PDIA5: variants seen among roughly 807,000 people sequenced by gnomAD.
The protein encoded by PDIA5 is protein disulfide isomerase family A member 5.
A neutral mutation model predicts 77.6 loss-of-function variants in PDIA5; 58 were observed. The ratio of observed to expected loss-of-function variants is 0.75; its 90% CI spans 0.61 to 0.93. PDIA5 has a LOEUF of 0.93. Among genes scored for constraint, PDIA5 ranks in the 40% least tolerant of loss-of-function variants. The probability of loss-of-function intolerance (pLI) is 0.00; values close to 1 mark genes in which losing one functional copy is unlikely to be tolerated. For missense variants in PDIA5, 630 were observed against 647.7 expected (o/e 0.97, Z 0.30); for synonymous variants, 250 against 252.1 (o/e 0.99, Z 0.08).
At chr3:123,147,857 GC>G (rs1249854092) in intron 13 of PDIA5, among the ~76,000 whole-genome samples, 1 of 152,182 alleles carries the variant, frequency 6.6e-6, no homozygotes, top group East Asian at 1.9e-4. Flanking sequence ...ACTGGGTGGG[GC>G]GGGGGATCTG....
At chr3:123,091,483 A>G (rs1235920128) in intron 2 of PDIA5, among the ~76,000 whole-genome samples, 1 of 152,142 alleles carries the variant, frequency 6.6e-6, no homozygotes, top group Non-Finnish European at 1.5e-5. Flanking sequence ...GGAATCAAAC[A>G]CTGGCCACAG....
chr3:123,134,141 A>C (rs777478549), intron 11 of PDIA5, among the ~76,000 whole-genome samples: 9 of 152,056 alleles, frequency 5.9e-5, no homozygotes, highest in Non-Finnish European at 1.0e-4. Flanking sequence ...CTCCCACCTC[A>C]GCCTCCTGTG....
In PDIA5 at chr3:123,150,254, C is replaced by G; in HGVS notation, c.1163C>G (p.Pro388Arg). The G allele has an allele frequency of 1.2e-6, 2 of 1,613,610 alleles. No homozygotes were observed. The highest frequency in any genetic ancestry group is 1.7e-6 in the Non-Finnish European group (2 of 1,179,620). The change falls in exon 14 of 17, where the codon CCA (proline) becomes CGA (arginine). Residue 388 changes from proline to arginine, a missense_variant. Pro to Arg is a moderately radical substitution (Grantham distance 103). Transcript: ENST00000316218. ...TGCAGCCCTGAGGCCCCCCCGCCCC[C>G]AGAGCCCACGTGGGAAGAGCAGCAG... ...WMQNPEAPPPPEPTWEEQQTS... is the reference protein window; with the variant it reads ...WMQNPEAPPPREPTWEEQQTS...
At chr3:123,090,601 C>T (rs966317786) in intron 2 of PDIA5, among the ~76,000 whole-genome samples, 10 of 152,182 alleles carry the variant, frequency 6.6e-5, no homozygotes, top group Non-Finnish European at 1.3e-4. Context: ...CTATGCCCCG[C>T]TGTCTCTCAT....
intron 1 of PDIA5, among the ~76,000 whole-genome samples, chr3:123,082,724 G>C (rs558612303): frequency 2.8e-4 from 42 of 152,262 alleles, no homozygotes; most frequent in Non-Finnish European, 1.2e-4. Context: ...CTGTGCTTCT[G>C]CATGCCAAAC....
chr3:123,115,532 G>A lies in PDIA5; in HGVS notation c.542-699G>A, dbSNP rs139146547. Among the ~76,000 whole-genome samples, 221 of 152,298 alleles carry A rather than the reference G, an allele frequency of 1.5e-3. 1 individual carries two copies. Among genetic ancestry groups the A allele is most frequent in the African/African-American group, 5.1e-3 (214 of 41,582 alleles). ...CTGTCAGAGCTGGAAGGGGCCTTAGGTTGTGTGGTCCAGCCTCTCTCATCT... is the reference window on the plus strand; with the variant it reads ...CTGTCAGAGCTGGAAGGGGCCTTAGATTGTGTGGTCCAGCCTCTCTCATCT... On this transcript the variant is annotated intron_variant, in intron 7 of 16. Transcript: ENST00000316218.
At chr3:123,088,315 C>T (rs963512724) in intron 1 of PDIA5, among the ~76,000 whole-genome samples, 4 of 152,106 alleles carry the variant, frequency 2.6e-5, no homozygotes, top group African/African-American at 7.2e-5. Flanking sequence ...CTCCAGTTCC[C>T]GAAGTTTTCC....
At chr3:123,115,672 GCCAGAGCCAGCACTGTTCA>G (rs1390456165) in intron 7 of PDIA5, among the ~76,000 whole-genome samples, 1 of 152,232 alleles carries the variant, frequency 6.6e-6, no homozygotes, top group African/African-American at 2.4e-5. Flanking sequence ...CTTCCCACAG[GCCAGAGCCAGCACTGTTCA>G]CCATCAGCCT....
chr3:123,098,629 C>A (rs893963063), intron 3 of PDIA5, among the ~76,000 whole-genome samples: 1 of 152,004 alleles, frequency 6.6e-6, no homozygotes, highest in African/African-American at 2.4e-5. Context: ...CCACATTCTC[C>A]ATGGAAGAGA....
chr3:123,102,609 C>A lies in PDIA5; in HGVS notation c.341+115C>A, dbSNP rs1314169211. The stretch of plus-strand genomic sequence containing the variant: ...ATTTTATTTCAGAATGGTTTTCTTC[C>A]TGTGTTTACAATTATTTCTTTTAAA... On this transcript the variant is annotated intron_variant, in intron 4 of 16. Transcript: ENST00000316218. 5.7e-6 allele frequency: 6 copies of A among 1,057,492 alleles called. No homozygotes were observed. In the Admixed American group the frequency reaches 6.1e-5, roughly 11 times the overall value. The allele number at this position is 1,057,492 out of a possible 1,614,324, so 65.5% of individuals were successfully genotyped here.
At chr3:123,126,933 GGTGTCTTTT>G (rs1560536943) in intron 10 of PDIA5, among the ~76,000 whole-genome samples, 4 of 152,242 alleles carry the variant, frequency 2.6e-5, no homozygotes, top group African/African-American at 7.2e-5. Context: ...TCGTGGCACT[GGTGTCTTTT>G]GTGTTCCTAA....
In PDIA5 at chr3:123,123,910, G is replaced by A. The variant is rs915057822; in HGVS notation, c.610-156G>A. ...CAGGTCATGATTCCCGGCTGGCTTCGCTGGCCTTGTTTCTCAGCAGCCCTG... is the reference window on the plus strand; with the variant it reads ...CAGGTCATGATTCCCGGCTGGCTTCACTGGCCTTGTTTCTCAGCAGCCCTG... On this transcript the variant is annotated intron_variant, in intron 8 of 16. Transcript: ENST00000316218. Among the ~76,000 whole-genome samples, 4 of 152,290 alleles carry A rather than the reference G, an allele frequency of 2.6e-5. No individual in the cohort carries two copies. In the South Asian group the frequency reaches 8.3e-4, roughly 32 times the overall value.
intron 1 of PDIA5, among the ~76,000 whole-genome samples, chr3:123,078,646 T>C (rs993684945): frequency 1.2e-4 from 19 of 152,240 alleles, no homozygotes; most frequent in African/African-American, 3.4e-4. Context: ...CATTCTCTTA[T>C]GTAACCACAG....
intron 7 of PDIA5, among the ~76,000 whole-genome samples, chr3:123,115,959 T>C (rs1369815484): frequency 1.3e-5 from 2 of 152,234 alleles, no homozygotes; most frequent in Non-Finnish European, 2.9e-5. Context: ...TCTGCTCTTC[T>C]CCCATCATGT....
intron 5 of PDIA5, among the ~76,000 whole-genome samples, chr3:123,104,810 T>C (rs3828391): frequency 0.031 from 4,755 of 152,254 alleles, 102 homozygotes; most frequent in East Asian, 0.06. Flanking sequence ...CCAGATGTGG[T>C]GTCAGACAGT....
chr3:123,073,839 G>A (rs13434289), intron 1 of PDIA5, among the ~76,000 whole-genome samples: 1 of 152,164 alleles, frequency 6.6e-6, no homozygotes, highest in East Asian at 1.9e-4. Flanking sequence ...GCAGATTTCT[G>A]GAAGTCGTGA....
intron 8 of PDIA5, among the ~76,000 whole-genome samples, chr3:123,120,264 T>C (rs1190709481): frequency 6.6e-6 from 1 of 152,240 alleles, no homozygotes; most frequent in Non-Finnish European, 1.5e-5. Context: ...GCTCTAGTGC[T>C]GGCTCTTGCT....
intron 7 of PDIA5, among the ~76,000 whole-genome samples, chr3:123,111,475 G>A (rs1164795647): frequency 6.6e-6 from 1 of 152,272 alleles, no homozygotes; most frequent in Non-Finnish European, 1.5e-5. Context: ...AGGAGCGGGG[G>A]ACCAGGAGCA....
chr3:123,103,997 T>C (rs1934668236), intron 5 of PDIA5, among the ~76,000 whole-genome samples: 1 of 152,172 alleles, frequency 6.6e-6, no homozygotes. Context: ...GTCTTGGGCT[T>C]ATGGAGCAGG....
Sources: allele counts gnomAD v4.1 joint callset (sites outside exome capture counted in the v4.1 genomes callset), GRCh38; gene constraint gnomAD v4.1.1; transcripts MANE v1.5; gene names NCBI Gene and HGNC (gene_info 2026-07-23, HGNC 2026-07-21).